Variants in ZBED3 observed in about 807,000 individuals in gnomAD.
ZBED3 encodes zinc finger BED-type containing 3, also known as zinc finger BED domain-containing protein 3.
For synonymous variants in ZBED3, 175 were observed against 180.0 expected (o/e 0.97, Z 0.22); for missense variants, 388 against 362.9 (o/e 1.07, Z -0.56).
rs1743008466 is a variant in ZBED3, at chr5:77,076,615, G to A, written c.*559C>T. ...CTAGAGATGATGCGGGTCTACAGCA[G>A]TCATGGAAACTAGAGGGGACGTCCC... On this transcript the variant is annotated 3_prime_UTR_variant, in exon 3 of 3. Transcript: ENST00000255198. 1 of 152,046 alleles carries A rather than the reference G, an allele frequency of 6.6e-6. No individual in the cohort carries two copies. The highest frequency in any genetic ancestry group is 2.1e-4 in the South Asian group (1 of 4,822). 9.4% of individuals were successfully genotyped at this position (152,046 alleles called of 1,614,324 possible).
chr5:77,073,215 G>A lies in ZBED3; in HGVS notation c.*3959C>T, dbSNP rs977907716. 2 of 152,160 alleles carry A rather than the reference G, an allele frequency of 1.3e-5. No homozygotes were observed. Among genetic ancestry groups the A allele is most frequent in the Non-Finnish European group, 2.9e-5 (2 of 68,042 alleles). 9.4% of individuals were successfully genotyped at this position (152,160 alleles called of 1,614,324 possible). ...TCAGGTTAATTGTTCTCTGTCTCCT[G>A]AACAGGACATTCAGGCTCGCACTAG... is the stretch of plus-strand genomic sequence containing the variant. On this transcript the variant is annotated 3_prime_UTR_variant, in exon 3 of 3. Transcript: ENST00000255198.
intron 1 of ZBED3, 97 bp downstream of exon 1, chr5:77,087,014 G>A (rs376499846): frequency 6.6e-6 from 1 of 152,252 alleles, no homozygotes; most frequent in Non-Finnish European, 1.5e-5. Flanking sequence ...GCGGGTGCCA[G>A]GGAGGCCGGC....
chr5:77,077,799 G>T lies in ZBED3; in HGVS notation c.80C>A (p.Pro27Gln), dbSNP rs1383913560. The T allele has an allele frequency of 6.9e-6, 9 of 1,306,814 alleles. No homozygotes were observed. Among genetic ancestry groups the T allele is most frequent in the Non-Finnish European group, 8.7e-6 (9 of 1,033,362 alleles). 81.0% of individuals were successfully genotyped at this position (1,306,814 alleles called of 1,614,324 possible). A position where few individuals can be genotyped will look rare whatever the true frequency, so the allele number is the denominator to read the frequency against. ...CGGCGTCGGCGCCGGCCCCAGTCCCGGACACTGACCGCCCCGCGCCGCCGC... is the reference window on the plus strand; with the variant it reads ...CGGCGTCGGCGCCGGCCCCAGTCCCTGACACTGACCGCCCCGCGCCGCCGC... ...DDAAARGGQC[P>Q]GLGPAPTPTP... Residue 27 changes from proline (P) to glutamine (Q), a missense_variant, in exon 3 of 3, where the codon CCG becomes CAG. Pro to Gln is a moderately conservative substitution (Grantham distance 76). Coordinates refer to ENST00000255198, the MANE Select transcript of ZBED3 (RefSeq NM_032367.4).
At chr5:77,085,281 A>G (rs942433888) in intron 1 of ZBED3, among the ~76,000 whole-genome samples, 1 of 152,260 alleles carries the variant, frequency 6.6e-6, no homozygotes, top group African/African-American at 2.4e-5. Context: ...AAACATGGGC[A>G]TATACACAAG....
At chr5:77,085,714 G>A (rs562281101) in intron 1 of ZBED3, among the ~76,000 whole-genome samples, 28 of 152,268 alleles carry the variant, frequency 1.8e-4, no homozygotes, top group Non-Finnish European at 2.6e-4. Context: ...TCTGTTATCC[G>A]TCCATCTCTG....
rs989090969 is a variant in ZBED3, at chr5:77,076,631, G to A, written c.*543C>T. The A allele has an allele frequency of 6.6e-6, 1 of 152,184 alleles. No individual in the cohort carries two copies. The allele number at this position is 152,184 out of a possible 1,614,324, so 9.4% of individuals were successfully genotyped here. On this transcript the variant is annotated 3_prime_UTR_variant, in exon 3 of 3. Coordinates refer to ENST00000255198, the MANE Select transcript of ZBED3 (RefSeq NM_032367.4). ...TCTACAGCAGTCATGGAAACTAGAG[G>A]GGACGTCCCTCACCCACCCTTCAGA...
Position 77,075,935 on chromosome 5 carries a change from T to TTTTATATATATATATATATA in ZBED3, c.*1238_*1239insTATATATATATATATATAAA. The TTTTATATATATATATATATA allele has an allele frequency of 4.7e-5, 1 of 21,164 alleles. No homozygotes were observed. The highest frequency in any genetic ancestry group is 8.4e-4 in the East Asian group (1 of 1,184). The allele number at this position is 21,164 out of a possible 1,614,324, so 1.3% of individuals were successfully genotyped here. A position where few individuals can be genotyped will look rare whatever the true frequency, so the allele number is the denominator to read the frequency against. On this transcript the variant is annotated 3_prime_UTR_variant, in exon 3 of 3. Transcript: ENST00000255198. ...GACATGCACCCTAGAACTTAAAGTA[T>TTTTATATATATATATATATA]TATATATACATATATATATATATAT...
rs1233808881 is a variant in ZBED3, at chr5:77,075,934, A to ATTTTATATATATATATATATAT, written c.*1239_*1240insATATATATATATATATATAAAA. On this transcript the variant is annotated 3_prime_UTR_variant, in exon 3 of 3. Transcript: ENST00000255198. ...TGACATGCACCCTAGAACTTAAAGT[A>ATTTTATATATATATATATATAT]TTATATATACATATATATATATATA... The ATTTTATATATATATATATATAT allele has an allele frequency of 3.6e-5, 2 of 55,314 alleles. No homozygotes were observed. The highest frequency in any genetic ancestry group is 1.6e-4 in the African/African-American group (2 of 12,890). 3.4% of individuals were successfully genotyped at this position (55,314 alleles called of 1,614,324 possible). A position where few individuals can be genotyped will look rare whatever the true frequency, so the allele number is the denominator to read the frequency against.
intron 1 of ZBED3, among the ~76,000 whole-genome samples, chr5:77,084,606 A>G (rs4361496): frequency 0.049 from 7,452 of 152,260 alleles, 628 homozygotes; most frequent in African/African-American, 0.17. Context: ...ACACTGTGGT[A>G]AAGGTGAAAT....
rs938123763 is a variant in ZBED3, at chr5:77,076,410, G to A, written c.*764C>T. The A allele has an allele frequency of 6.6e-6, 1 of 152,176 alleles. No homozygotes were observed. Among genetic ancestry groups the A allele is most frequent in the African/African-American group, 2.4e-5 (1 of 41,396 alleles). The allele number at this position is 152,176 out of a possible 1,614,324, so 9.4% of individuals were successfully genotyped here. On this transcript the variant is annotated 3_prime_UTR_variant, in exon 3 of 3. Coordinates refer to ENST00000255198, the MANE Select transcript of ZBED3 (RefSeq NM_032367.4). ...AAGAAGCCCTCTTCCTAGTGACAAG[G>A]GGATGAGGTGATGTCTTGCTAAGGT...
intron 1 of ZBED3, among the ~76,000 whole-genome samples, chr5:77,082,677 G>C (rs935742211): frequency 6.6e-6 from 1 of 152,164 alleles, no homozygotes; most frequent in African/African-American, 2.4e-5. Flanking sequence ...AGATACTATG[G>C]TTGAGGCAAT....
intron 1 of ZBED3, among the ~76,000 whole-genome samples, chr5:77,082,367 C>T (rs2914141): frequency 0.24 from 36,666 of 151,700 alleles, 4,748 homozygotes; most frequent in African/African-American, 0.34. Context: ...AGGATGTTCA[C>T]GTAGAATGAC....
intron 1 of ZBED3, 89 bp downstream of exon 1, chr5:77,087,022 G>A (rs1743260656): frequency 6.6e-6 from 1 of 152,250 alleles, no homozygotes. Context: ...CAGGGAGGCC[G>A]GCAGGGGCGT....
intron 1 of ZBED3, among the ~76,000 whole-genome samples, chr5:77,080,747 C>T (rs1743112015): frequency 6.6e-6 from 1 of 152,146 alleles, no homozygotes; most frequent in South Asian, 2.1e-4. Flanking sequence ...AATGAGAACA[C>T]GTGGACACAG....
chr5:77,076,019 ATG>A lies in ZBED3; in HGVS notation c.*1153_*1154del, dbSNP rs200414731. 0.12 allele frequency: 8,560 copies of A among 70,560 alleles called. 2,379 individuals carry two copies. Among genetic ancestry groups the A allele is most frequent in the Middle Eastern group, 0.16 (27 of 164 alleles). The allele number at this position is 70,560 out of a possible 1,614,324, so 4.4% of individuals were successfully genotyped here. A position where few individuals can be genotyped will look rare whatever the true frequency, so the allele number is the denominator to read the frequency against. On this transcript the variant is annotated 3_prime_UTR_variant, in exon 3 of 3. Coordinates refer to ENST00000255198, the MANE Select transcript of ZBED3 (RefSeq NM_032367.4). Reference sequence around the variant, plus strand: ...TATATATGTATATATATATGTATATATGTATATATATATGTATATATGTATAT... The same window carrying A: ...TATATATGTATATATATATGTATATATATATATATATGTATATATGTATAT...
chr5:77,082,556 G>C (rs1024262817), intron 1 of ZBED3, among the ~76,000 whole-genome samples: 5 of 152,302 alleles, frequency 3.3e-5, no homozygotes, highest in African/African-American at 1.2e-4. Context: ...TGGAGGAACT[G>C]TTCAGGGAGA....
At chr5:77,078,244 TTTC>T (rs1232424094) in intron 2 of ZBED3, among the ~76,000 whole-genome samples, 2 of 151,670 alleles carry the variant, frequency 1.3e-5, no homozygotes, top group African/African-American at 4.9e-5. Flanking sequence ...TAGTCTCTGC[TTTC>T]TTAATAACAA....
At chr5:77,083,315 G>A (rs1258043644) in intron 1 of ZBED3, among the ~76,000 whole-genome samples, 1 of 152,166 alleles carries the variant, frequency 6.6e-6, no homozygotes, top group South Asian at 2.1e-4. Context: ...TCATTGTCAC[G>A]TGGTTTGCTG....
Position 77,075,171 on chromosome 5 carries a change from G to C in ZBED3, c.*2003C>G, listed in dbSNP as rs745819301. The C allele has an allele frequency of 6.6e-6, 1 of 152,228 alleles. No individual in the cohort carries two copies. The highest frequency in any genetic ancestry group is 1.5e-5 in the Non-Finnish European group (1 of 68,062). 9.4% of individuals were successfully genotyped at this position (152,228 alleles called of 1,614,324 possible). A position where few individuals can be genotyped will look rare whatever the true frequency, so the allele number is the denominator to read the frequency against. Reference sequence around the variant, plus strand: ...CCAGAGGAGATTACAACTCTGCAGGGATATGAGCCACGAGTGGAGTGTAGA... The same window carrying C: ...CCAGAGGAGATTACAACTCTGCAGGCATATGAGCCACGAGTGGAGTGTAGA... On this transcript the variant is annotated 3_prime_UTR_variant, in exon 3 of 3. Transcript: ENST00000255198.
Sources: gnomAD v4.1 joint callset for allele counts (sites outside exome capture counted in the v4.1 genomes callset) on GRCh38, gnomAD v4.1.1 for gene constraint, MANE v1.5 for transcripts, NCBI Gene and HGNC (gene_info 2026-07-23, HGNC 2026-07-21) for gene names.